The following CSRNP3 variants were observed in gnomAD, a reference collection of about 807,000 sequenced individuals.
CSRNP3 encodes the protein cysteine and serine rich nuclear protein 3.
In CSRNP3, 12 loss-of-function variants were observed where a neutral mutation model predicts 48.0. That is an observed-to-expected ratio of 0.25 (90% CI 0.16 to 0.41). The LOEUF is 0.41. Among genes scored for constraint, CSRNP3 ranks in the 10% least tolerant of loss-of-function variants. The pLI, the probability that CSRNP3 is intolerant of heterozygous loss-of-function variation, is 1.00. For missense variants in CSRNP3, 580 were observed against 724.4 expected, an observed-to-expected ratio of 0.80 and a Z score of 2.29; for synonymous variants, 263 against 269.7, an observed-to-expected ratio of 0.98 and a Z score of 0.24.
At chr2:165,557,713 C>T (rs1685178737) in intron 3 of CSRNP3, among the ~76,000 whole-genome samples, 1 of 152,166 alleles carries the variant, frequency 6.6e-6, no homozygotes, top group East Asian at 1.9e-4. Flanking sequence ...TCTGCCTCCC[C>T]CACAGCTTTC....
At position 165,657,820 on chromosome 2, in the gene CSRNP3, G is replaced by A; in HGVS notation, c.208G>A (p.Val70Ile). ...GACAAAGAATGTACATTTTAGTTGTGTCACCGTGTACTACTTCACCAGGAG... is the reference window on the plus strand; with the variant it reads ...GACAAAGAATGTACATTTTAGTTGTATCACCGTGTACTACTTCACCAGGAG... ...LRTKNVHFSC[V>I]TVYYFTRRQG... The change falls in exon 5 of 7, where the codon GTC (valine) becomes ATC (isoleucine). Residue 70 changes from valine to isoleucine, a missense_variant. Transcript: ENST00000651982. 2 of 1,614,020 alleles carry A rather than the reference G, an allele frequency of 1.2e-6. No homozygotes were observed. Among genetic ancestry groups the A allele is most frequent in the Non-Finnish European group, 1.7e-6 (2 of 1,179,988 alleles).
chr2:165,558,226 A>G (rs1685186495), intron 3 of CSRNP3, among the ~76,000 whole-genome samples: 2 of 152,330 alleles, frequency 1.3e-5, no homozygotes, highest in Middle Eastern at 3.4e-3. Context: ...AACAGTCTGA[A>G]TATCAATGTC....
At chr2:165,606,473 A>G (rs1686015249) in intron 4 of CSRNP3, among the ~76,000 whole-genome samples, 1 of 152,078 alleles carries the variant, frequency 6.6e-6, no homozygotes, top group Non-Finnish European at 1.5e-5. Context: ...AACCAGGGAA[A>G]TTAAAATTGA....
chr2:165,685,508 T>C lies in CSRNP3; in HGVS notation c.*5755T>C, dbSNP rs1687616726. On this transcript the variant is annotated 3_prime_UTR_variant, in exon 7 of 7. Transcript: ENST00000651982. ...ACCAGATTCAAAGCCTAAAACAATA[T>C]GTTTCAGTTTACTTTTATATGTAGA... 8 of 152,056 alleles carry C rather than the reference T, an allele frequency of 5.3e-5. 1 individual carries two copies. The highest frequency in any genetic ancestry group is 5.3e-4 in the Admixed American group (8 of 15,226). 9.4% of individuals were successfully genotyped at this position (152,056 alleles called of 1,614,324 possible).
intron 3 of CSRNP3, among the ~76,000 whole-genome samples, chr2:165,582,730 T>C (rs1685568452): frequency 6.6e-6 from 1 of 152,224 alleles, no homozygotes; most frequent in African/African-American, 2.4e-5. Flanking sequence ...CAGAGGTTTT[T>C]ATCCTGGGAG....
intron 1 of CSRNP3, among the ~76,000 whole-genome samples, chr2:165,476,614 C>T (rs1263669731): frequency 6.6e-6 from 1 of 152,208 alleles, no homozygotes; most frequent in African/African-American, 2.4e-5. Flanking sequence ...GGTACTGTGA[C>T]TTTGGCTTAT....
intron 3 of CSRNP3, among the ~76,000 whole-genome samples, chr2:165,524,549 G>A (rs933843883): frequency 8.5e-5 from 13 of 152,076 alleles, no homozygotes; most frequent in Middle Eastern, 3.4e-3. Flanking sequence ...TGTAACTTTC[G>A]CAACAATCAA....
rs779231098 is a variant in CSRNP3 at position 165,679,201 on chromosome 2, A to T, written c.1206A>T (p.Glu402Asp). The change falls in exon 7 of 7, where the codon GAA (glutamate) becomes GAT (aspartate). Residue 402 changes from glutamate (E) to aspartate (D), a missense_variant. This residue lies in a region of CSRNP3 where 369 missense variants were observed against 380.8 expected (regional missense o/e 0.97). Transcript: ENST00000651982. ...TGGAAGGTTTGGGCACCCATGCCGAAGTTGTCCCTCTTCCTTCAGTTCTTT... is the reference window on the plus strand; with the variant it reads ...TGGAAGGTTTGGGCACCCATGCCGATGTTGTCCCTCTTCCTTCAGTTCTTT... ...GFVEGLGTHA[E>D]VVPLPSVLCY... is the part of the protein sequence containing the mutation. 3 of 1,613,962 alleles carry T rather than the reference A, an allele frequency of 1.9e-6. No individual in the cohort carries two copies. The South Asian group carries it at 3.3e-5, about 18-fold the overall frequency.
At position 165,676,591 on chromosome 2, in the gene CSRNP3, G is replaced by A; in HGVS notation, c.688G>A (p.Ala230Thr). The change falls in exon 6 of 7, where the codon GCT becomes ACT. Residue 230 changes from alanine (A) to threonine (T), a missense_variant. Physicochemically the swap from Ala to Thr is moderately conservative, Grantham distance 58. Transcript: ENST00000651982. Reference protein sequence around the residue: ...CDPDTCTCSLAGIKCQVDRMS... With the variant: ...CDPDTCTCSLTGIKCQVDRMS... ...TCCAGACACGTGCACCTGCAGCCTG[G>A]CTGGCATTAAGTGCCAGGTAAGGGT... 13 of 1,612,648 alleles carry A rather than the reference G, an allele frequency of 8.1e-6. No homozygotes were observed. The highest frequency in any genetic ancestry group is 1.0e-5 in the Non-Finnish European group (12 of 1,178,688).
chr2:165,541,144 C>T (rs752562010), intron 3 of CSRNP3, among the ~76,000 whole-genome samples: 128 of 151,830 alleles, frequency 8.4e-4, no homozygotes, highest in Non-Finnish European at 5.0e-4. Context: ...AATTCTAGCT[C>T]AATCCCCATC....
Position 165,490,985 on chromosome 2 carries a change from A to G in CSRNP3, c.-282-3774A>G, listed in dbSNP as rs1427908569. Among the ~76,000 whole-genome samples, 1,385 of 138,674 alleles carry G rather than the reference A, an allele frequency of 1.0e-2. 26 individuals carry two copies. The highest frequency in any genetic ancestry group is 0.034 in the African/African-American group (1,290 of 38,046). The allele number at this position is 138,674 out of a possible 152,430, so 91.0% of individuals were successfully genotyped here. ...AAACTAAAGAGCTTCTGCACAGCAA[A>G]AGAAACTACCATCAGAGTGAACAGG... On this transcript the variant is annotated intron_variant, in intron 1 of 6. Coordinates refer to ENST00000651982, the MANE Select transcript of CSRNP3 (RefSeq NM_001172173.2).
chr2:165,583,847 G>A (rs1574848693), intron 3 of CSRNP3, among the ~76,000 whole-genome samples: 1 of 152,134 alleles, frequency 6.6e-6, no homozygotes, highest in East Asian at 1.9e-4. Context: ...CAGGAAAGGG[G>A]TCCCTATCCA....
chr2:165,574,500 T>G, intron 3 of CSRNP3: 1 of 1,057,524 alleles, frequency 9.5e-7, no homozygotes. Flanking sequence ...TTGGCTATTT[T>G]AATTCATCGT....
chr2:165,567,380 G>T (rs919339535), intron 3 of CSRNP3, among the ~76,000 whole-genome samples: 1 of 151,984 alleles, frequency 6.6e-6, no homozygotes, highest in Non-Finnish European at 1.5e-5. Context: ...GAAAAAATCT[G>T]GATACTTTCT....
chr2:165,677,950 C>G (rs969403130), intron 6 of CSRNP3, among the ~76,000 whole-genome samples: 3 of 152,174 alleles, frequency 2.0e-5, no homozygotes, highest in African/African-American at 4.8e-5. Context: ...CATGCCCTTC[C>G]TTCAAGAAGA....
At chr2:165,640,228 A>G (rs1451896711) in intron 4 of CSRNP3, among the ~76,000 whole-genome samples, 2 of 152,216 alleles carry the variant, frequency 1.3e-5, no homozygotes. Flanking sequence ...ATGTGTTACA[A>G]ATATTTATTT....
rs185765742 is a variant in CSRNP3 at position 165,628,539 on chromosome 2, C to T, written c.149-29222C>T. Reference sequence around the variant, plus strand: ...AGGAGTTCAAGACCAGCCTGGCCAACGTGGTGAAACCCCGTCTCTACTAAA... The same window carrying T: ...AGGAGTTCAAGACCAGCCTGGCCAATGTGGTGAAACCCCGTCTCTACTAAA... On this transcript the variant is annotated intron_variant, in intron 4 of 6. Transcript: ENST00000651982. 8.7e-4 allele frequency among the ~76,000 whole-genome samples: 132 copies of T among 152,072 alleles called. 1 individual carries two copies. Among genetic ancestry groups the T allele is most frequent in the African/African-American group, 3.0e-3 (126 of 41,496 alleles).
intron 3 of CSRNP3, among the ~76,000 whole-genome samples, chr2:165,592,218 T>C (rs183433246): frequency 6.6e-6 from 1 of 152,374 alleles, no homozygotes; most frequent in Non-Finnish European, 1.5e-5. Flanking sequence ...ATTTAAGTAC[T>C]GCCTTGATGG....
At chr2:165,547,441 A>G (rs574215288) in intron 3 of CSRNP3, among the ~76,000 whole-genome samples, 29 of 152,078 alleles carry the variant, frequency 1.9e-4, no homozygotes, top group Non-Finnish European at 3.8e-4. Context: ...CCAATACTGA[A>G]TATTGTCAAT....
Sources: allele counts gnomAD v4.1 joint callset (sites outside exome capture counted in the v4.1 genomes callset), GRCh38; gene constraint gnomAD v4.1.1; regional missense constraint gnomAD v4.1.1; transcripts MANE v1.5; gene names NCBI Gene and HGNC (gene_info 2026-07-23, HGNC 2026-07-21).